ZNF236: variants seen among roughly 807,000 people sequenced by gnomAD.
The protein encoded by ZNF236 is zinc finger protein 236, also known as regulated by glucose.
In ZNF236, 50 loss-of-function variants were observed where a neutral mutation model predicts 191.2. The observed-to-expected ratio is 0.26, with a 90% confidence interval of 0.21 to 0.33. The LOEUF is 0.33. Ranked by LOEUF, ZNF236 falls within the 10% of genes least tolerant of loss-of-function variation. The pLI is 1.00. For synonymous variants in ZNF236, 907 were observed against 928.8 expected, an observed-to-expected ratio of 0.98 and a Z score of 0.43; for missense variants, 1,754 against 2,374.5, an observed-to-expected ratio of 0.74 and a Z score of 5.43.
At chr18:76,906,321 G>A (rs547420747) in intron 13 of ZNF236, among the ~76,000 whole-genome samples, 20 of 152,240 alleles carry the variant, frequency 1.3e-4, no homozygotes, top group African/African-American at 4.6e-4. Flanking sequence ...TGGTATTGGC[G>A]GTGTTATATG....
chr18:76,959,081 G>C (rs1968596119), intron 28 of ZNF236, among the ~76,000 whole-genome samples: 1 of 152,280 alleles, frequency 6.6e-6, no homozygotes, highest in African/African-American at 2.4e-5. Context: ...CGTGAATGCA[G>C]TATCTCTGGC....
chr18:76,953,964 A>G, intron 27 of ZNF236, among the ~76,000 whole-genome samples: 1 of 152,214 alleles, frequency 6.6e-6, no homozygotes, highest in South Asian at 2.1e-4. Flanking sequence ...CCCATGCAGA[A>G]TAACCTGCTG....
At chr18:76,857,161 G>T (rs1001911094) in intron 3 of ZNF236, among the ~76,000 whole-genome samples, 2 of 150,998 alleles carry the variant, frequency 1.3e-5, no homozygotes, top group African/African-American at 4.9e-5. Flanking sequence ...CCTATGTGGG[G>T]TCCTTCTCTC....
intron 30 of ZNF236, among the ~76,000 whole-genome samples, chr18:76,962,163 A>G (rs910485957): frequency 3.9e-5 from 6 of 152,000 alleles, no homozygotes; most frequent in South Asian, 2.1e-4. Flanking sequence ...GGTTTTTCCA[A>G]TTTTATCTTC....
At chr18:76,900,922 A>G (rs1255283548) in intron 11 of ZNF236, among the ~76,000 whole-genome samples, 1 of 152,190 alleles carries the variant, frequency 6.6e-6, no homozygotes, top group Non-Finnish European at 1.5e-5. Context: ...CAGATGTCAG[A>G]GAATCAGACA....
rs777644127 is a variant in ZNF236 at position 76,895,094 on chromosome 18, T to G, written c.1499T>G (p.Val500Gly). Residue 500 changes from valine to glycine, a missense_variant, in exon 10 of 31, where the codon GTC (valine) becomes GGC (glycine). Coordinates refer to ENST00000320610, the MANE Select transcript of ZNF236 (RefSeq NM_001306089.2). ...GAGTTCCGCAAGCCCAGCGACCTGGTCCGCCACATCCGCATCCACACCCAC... is the reference window on the plus strand; with the variant it reads ...GAGTTCCGCAAGCCCAGCGACCTGGGCCGCCACATCCGCATCCACACCCAC... ...AKEFRKPSDL[V>G]RHIRIHTHEK... 2 of 1,611,664 alleles carry G rather than the reference T, an allele frequency of 1.2e-6. No homozygotes were observed. The highest frequency in any genetic ancestry group is 2.2e-5 in the East Asian group (1 of 44,900).
At chr18:76,953,854 A>G (rs935245049) in intron 27 of ZNF236, among the ~76,000 whole-genome samples, 9 of 152,172 alleles carry the variant, frequency 5.9e-5, no homozygotes, top group African/African-American at 2.2e-4. Context: ...CGGGCTCATT[A>G]GGAGGTGGAT....
At chr18:76,895,816 C>T (rs559361774) in intron 10 of ZNF236, among the ~76,000 whole-genome samples, 3 of 150,428 alleles carry the variant, frequency 2.0e-5, no homozygotes, top group African/African-American at 7.4e-5. Flanking sequence ...TGCACAGGTA[C>T]TACTGCTCAC....
chr18:76,879,905 G>A (rs943313131), intron 7 of ZNF236, among the ~76,000 whole-genome samples: 4 of 152,084 alleles, frequency 2.6e-5, no homozygotes, highest in South Asian at 2.1e-4. Flanking sequence ...GTACAAAATT[G>A]CATTAGAACA....
chr18:76,907,118 T>C (rs1977763669), intron 13 of ZNF236, among the ~76,000 whole-genome samples: 2 of 152,240 alleles, frequency 1.3e-5, no homozygotes, highest in South Asian at 4.1e-4. Flanking sequence ...GCGTGCATTT[T>C]CTAACTCTTC....
Position 76,960,707 on chromosome 18 carries a change from T to C in ZNF236, c.5271T>C (p.Cys1757=). ...TGERPFHCTL[C]EKAFNQKSAL... is the part of the protein sequence containing the mutation. The stretch of plus-strand genomic sequence containing the variant: ...AGCGGCCGTTCCATTGCACGCTTTG[T>C]GAGAAAGCCTTCAACCAGAAGAGTG... Residue 1757 remains cysteine (C), a synonymous_variant, in exon 30 of 31, where the codon TGT becomes TGC. Transcript: ENST00000320610. The surrounding 1 kb of genome is among the most constrained non-coding windows in gnomAD (Gnocchi z 4.4). 1 of 1,614,002 alleles carries C rather than the reference T, an allele frequency of 6.2e-7. No individual in the cohort carries two copies. Among genetic ancestry groups the C allele is most frequent in the Non-Finnish European group, 8.5e-7 (1 of 1,179,982 alleles).
chr18:76,897,169 TA>T lies in ZNF236; in HGVS notation c.1691-1849del, dbSNP rs146366735. On this transcript the variant is annotated intron_variant, in intron 10 of 30. Transcript: ENST00000320610. ...TACCAAACATAGTACTGCACACAGGTACCAAACAGTACTGCCCACTGGTACC... is the reference window on the plus strand; with the variant it reads ...TACCAAACATAGTACTGCACACAGGTCCAAACAGTACTGCCCACTGGTACC... 8.2e-3 allele frequency among the ~76,000 whole-genome samples: 1,230 copies of T among 150,014 alleles called. 15 individuals carry two copies. The highest frequency in any genetic ancestry group is 0.029 in the African/African-American group (1,161 of 40,508).
Position 76,925,153 on chromosome 18 carries a change from A to G in ZNF236, c.3662-36A>G, listed in dbSNP as rs758250728. The G allele has an allele frequency of 1.9e-6, 3 of 1,596,028 alleles. No individual in the cohort carries two copies. Among genetic ancestry groups the G allele is most frequent in the East Asian group, 2.2e-5 (1 of 44,580 alleles). On this transcript the variant is annotated intron_variant, in intron 21 of 30. Transcript: ENST00000320610. The surrounding 1 kb of genome is among the most constrained non-coding windows in gnomAD (Gnocchi z 5.7). The stretch of plus-strand genomic sequence containing the variant: ...GGTGGGGGTGAGTGTCGCGACTGCC[A>G]TCGCCTCTGTTGATTCTTGGCTGGG...
Position 76,927,268 on chromosome 18 carries a change from G to A in ZNF236, c.4174-9G>A. On this transcript the variant is annotated splice_polypyrimidine_tract_variant and intron_variant, in intron 23 of 30. Transcript: ENST00000320610. This position sits in a 1 kb window ranked among gnomAD's most constrained non-coding sequence, Gnocchi z 5.4. The stretch of plus-strand genomic sequence containing the variant: ...AGTTTTCATTACAAGTACCTGTGCT[G>A]CTTTTCAGATTGATCCAAGCATTCT... The A allele has an allele frequency of 6.2e-7, 1 of 1,613,944 alleles. No individual in the cohort carries two copies. Among genetic ancestry groups the A allele is most frequent in the Non-Finnish European group, 8.5e-7 (1 of 1,179,866 alleles).
intron 30 of ZNF236, among the ~76,000 whole-genome samples, chr18:76,962,224 AT>A (rs1341414808): frequency 7.9e-5 from 12 of 151,932 alleles, no homozygotes; most frequent in African/African-American, 2.9e-4. Flanking sequence ...TCTTGAGTTG[AT>A]TTTTGTATGA....
chr18:76,880,279 T>G lies in ZNF236; in HGVS notation c.1151T>G (p.Leu384Arg). The G allele has an allele frequency of 5.0e-6, 8 of 1,613,962 alleles. No individual in the cohort carries two copies. The highest frequency in any genetic ancestry group is 6.8e-6 in the Non-Finnish European group (8 of 1,179,918). Residue 384 changes from leucine (L) to arginine (R), a missense_variant, in exon 8 of 31, where the codon CTG (leucine) becomes CGG (arginine). Around this residue, in one of 5 missense-constraint regions of ZNF236, gnomAD observed 336 missense variants for 495.1 expected, o/e 0.68. Transcript: ENST00000320610. The surrounding 1 kb of genome is among the most constrained non-coding windows in gnomAD (Gnocchi z 5.0). Reference protein sequence around the residue: ...SGQSPQPGQQLSITVGINQDI... With the variant: ...SGQSPQPGQQRSITVGINQDI... ...CAGTCCCCGCAGCCTGGGCAGCAGCTGAGCATCACAGTGGGCATCAACCAG... is the reference window on the plus strand; with the variant it reads ...CAGTCCCCGCAGCCTGGGCAGCAGCGGAGCATCACAGTGGGCATCAACCAG...
chr18:76,922,560 C>CT (rs112571512), intron 20 of ZNF236, among the ~76,000 whole-genome samples: 1,851 of 143,262 alleles, frequency 0.013, 25 homozygotes, highest in African/African-American at 0.041. Flanking sequence ...AGGAAATTGT[C>CT]TTTTTTTTTT....
chr18:76,932,269 T>C (rs79077440), intron 25 of ZNF236, among the ~76,000 whole-genome samples: 2,307 of 152,224 alleles, frequency 0.015, 27 homozygotes, highest in Middle Eastern at 0.02. Context: ...TGTGGTGGCT[T>C]TTCTCCCAAC....
At chr18:76,869,499 A>T (rs527882884) in intron 4 of ZNF236, among the ~76,000 whole-genome samples, 4 of 152,340 alleles carry the variant, frequency 2.6e-5, no homozygotes, top group African/African-American at 7.2e-5. Context: ...ACATGTTTTT[A>T]AAAATTTTAT....
Sources: gnomAD v4.1 joint callset for allele counts (sites outside exome capture counted in the v4.1 genomes callset) on GRCh38, gnomAD v4.1.1 for gene constraint, gnomAD v4.1.1 regional missense constraint, Gnocchi (gnomAD v3.1) non-coding constraint, MANE v1.5 for transcripts, NCBI Gene and HGNC (gene_info 2026-07-23, HGNC 2026-07-21) for gene names.